The following TBC1D22A variants were observed in gnomAD, a reference collection of about 807,000 sequenced individuals.
TBC1D22A encodes the protein putative GTPase activator.
TBC1D22A carries 38 observed loss-of-function variants against 60.2 expected under a neutral mutation model. The ratio of observed to expected loss-of-function variants is 0.63; its 90% CI spans 0.49 to 0.83. The LOEUF is 0.83. Ranked by LOEUF, TBC1D22A falls within the 40% of genes least tolerant of loss-of-function variation. The pLI is 0.00. For synonymous variants in TBC1D22A, 302 were observed against 281.7 expected, an observed-to-expected ratio of 1.07 and a Z score of -0.72; for missense variants, 628 against 701.0, an observed-to-expected ratio of 0.90 and a Z score of 1.18.
intron 1 of TBC1D22A, chr22:46,768,117 C>T (rs2083348360): frequency 6.5e-6 from 1 of 152,790 alleles, no homozygotes; most frequent in Admixed American, 6.5e-5. Context: ...CCGCAGCGTC[C>T]AGTGGTCACT....
intron 4 of TBC1D22A, among the ~76,000 whole-genome samples, chr22:46,800,894 G>A (rs917470904): frequency 6.6e-6 from 1 of 152,228 alleles, no homozygotes; most frequent in African/African-American, 2.4e-5. Flanking sequence ...GCAGGTGGAG[G>A]AGAGACAGCT....
rs531133604 is a variant in TBC1D22A, at chr22:46,776,372, G to T, written c.62+13524G>T. Reference sequence around the variant, plus strand: ...GGCTGTATGGTGGGATGGTGTGCGTGGAAGCAGTGGGCATAGTTGTGGCTG... The same window carrying T: ...GGCTGTATGGTGGGATGGTGTGCGTTGAAGCAGTGGGCATAGTTGTGGCTG... On this transcript the variant is annotated intron_variant, in intron 1 of 12. Transcript: ENST00000337137. Among the ~76,000 whole-genome samples the T allele has an allele frequency of 3.7e-4, 55 of 146,670 alleles. 1 individual carries two copies. The South Asian group carries it at 0.012, about 32-fold the overall frequency.
intron 8 of TBC1D22A, chr22:46,913,774 A>G: frequency 1.0e-6 from 1 of 985,288 alleles, no homozygotes. Flanking sequence ...AATGTGGTAA[A>G]TAAGTTTGTT....
intron 8 of TBC1D22A, among the ~76,000 whole-genome samples, chr22:46,920,609 C>A (rs561955773): frequency 6.6e-6 from 1 of 152,044 alleles, no homozygotes; most frequent in Non-Finnish European, 1.5e-5. Context: ...GTGTCGCATG[C>A]GTGTGTCATG....
rs370840127 is a variant in TBC1D22A at position 47,037,226 on chromosome 22, T to C, written c.1329+28T>C. 409 of 1,610,116 alleles carry C rather than the reference T, an allele frequency of 2.5e-4. 1 individual carries two copies. In the Middle Eastern group the frequency reaches 2.9e-3, roughly 11 times the overall value. ...GAGCTCTCCTTCGCACCCTCCGCCA[T>C]GGGGGTGCCAGGAGCCCGGGCCGTT... On this transcript the variant is annotated intron_variant, in intron 11 of 12. Coordinates refer to ENST00000337137, the MANE Select transcript of TBC1D22A (RefSeq NM_014346.5).
At chr22:46,907,142 G>GTA in intron 7 of TBC1D22A, among the ~76,000 whole-genome samples, 1 of 152,092 alleles carries the variant, frequency 6.6e-6, no homozygotes, top group Non-Finnish European at 1.5e-5. Context: ...CTTTGTGTGT[G>GTA]TGTGCGTGTG....
chr22:47,092,429 A>G (rs948806695), intron 11 of TBC1D22A, among the ~76,000 whole-genome samples: 3 of 152,166 alleles, frequency 2.0e-5, no homozygotes, highest in Admixed American at 6.5e-5. Context: ...CTGGGAGAGC[A>G]GGAATGAGTC....
intron 11 of TBC1D22A, among the ~76,000 whole-genome samples, chr22:47,075,539 T>C (rs1360371756): frequency 6.6e-6 from 1 of 152,068 alleles, no homozygotes; most frequent in Non-Finnish European, 1.5e-5. Flanking sequence ...GTGACCACTA[T>C]AAATGAGTAG....
rs992345354 is a variant in TBC1D22A, at chr22:46,920,360, C to T, written c.1015+8172C>T. Among the ~76,000 whole-genome samples, 7 of 151,704 alleles carry T rather than the reference C, an allele frequency of 4.6e-5. No individual in the cohort carries two copies. The South Asian group carries it at 8.3e-4, about 18-fold the overall frequency. On this transcript the variant is annotated intron_variant, in intron 8 of 12. Coordinates refer to ENST00000337137, the MANE Select transcript of TBC1D22A (RefSeq NM_014346.5). Reference sequence around the variant, plus strand: ...TCTCAAAGTGCTGGGATTACAGGCACGAGCCACTGTGCCTAGCTCAAAGCT... The same window carrying T: ...TCTCAAAGTGCTGGGATTACAGGCATGAGCCACTGTGCCTAGCTCAAAGCT...
At chr22:47,133,733 G>A (rs539259967) in intron 12 of TBC1D22A, among the ~76,000 whole-genome samples, 2 of 152,324 alleles carry the variant, frequency 1.3e-5, no homozygotes, top group African/African-American at 4.8e-5. Context: ...GAGCTTTGGC[G>A]GTGACACTTG....
intron 11 of TBC1D22A, among the ~76,000 whole-genome samples, chr22:47,102,168 G>A (rs1328217980): frequency 1.3e-5 from 2 of 152,194 alleles, no homozygotes; most frequent in Admixed American, 6.5e-5. Flanking sequence ...AGTCTCTGGC[G>A]CCTTCCTTTA....
At chr22:46,854,386 C>T (rs994767805) in intron 4 of TBC1D22A, among the ~76,000 whole-genome samples, 4 of 152,176 alleles carry the variant, frequency 2.6e-5, no homozygotes, top group Admixed American at 1.3e-4. Context: ...CTCCCCTTCC[C>T]GTTCCCTGCT....
At chr22:46,929,191 T>A (rs1347555942) in intron 8 of TBC1D22A, among the ~76,000 whole-genome samples, 2 of 152,166 alleles carry the variant, frequency 1.3e-5, no homozygotes, top group Non-Finnish European at 2.9e-5. Flanking sequence ...TCGACAAACA[T>A]TGTGTGGTTT....
At chr22:47,148,121 A>T (rs1422629925) in intron 12 of TBC1D22A, among the ~76,000 whole-genome samples, 1 of 152,164 alleles carries the variant, frequency 6.6e-6, no homozygotes, top group African/African-American at 2.4e-5. Flanking sequence ...AAAATGAAGC[A>T]TCTCAACAGA....
intron 8 of TBC1D22A, among the ~76,000 whole-genome samples, chr22:46,919,978 T>TTA (rs1249947597): frequency 2.0e-5 from 3 of 152,190 alleles, no homozygotes; most frequent in Admixed American, 6.5e-5. Flanking sequence ...TGGCAACTGT[T>TTA]TAACCCCCTT....
intron 12 of TBC1D22A, among the ~76,000 whole-genome samples, chr22:47,152,778 G>A (rs1308158161): frequency 2.6e-5 from 4 of 152,200 alleles, no homozygotes; most frequent in East Asian, 3.9e-4. Context: ...GAAAGCATCG[G>A]CCGTGGCGGC....
intron 4 of TBC1D22A, among the ~76,000 whole-genome samples, chr22:46,807,870 G>C (rs1401623417): frequency 3.3e-5 from 5 of 152,228 alleles, no homozygotes; most frequent in African/African-American, 1.2e-4. Context: ...GGGAGGCCTA[G>C]GTGGGAGGAT....
intron 7 of TBC1D22A, among the ~76,000 whole-genome samples, chr22:46,904,790 T>C (rs891676557): frequency 1.6e-4 from 23 of 142,450 alleles, no homozygotes; most frequent in Non-Finnish European, 2.9e-4. Flanking sequence ...TTTTTTTTTT[T>C]CTGAGACAGA....
intron 1 of TBC1D22A, among the ~76,000 whole-genome samples, chr22:46,789,691 A>G (rs10854858): frequency 0.021 from 3,157 of 152,328 alleles, 100 homozygotes; most frequent in African/African-American, 0.071. Flanking sequence ...AAAATGACCC[A>G]ATGTAATATT....
Sources: gnomAD v4.1 joint callset for allele counts (sites outside exome capture counted in the v4.1 genomes callset) on GRCh38, gnomAD v4.1.1 for gene constraint, MANE v1.5 for transcripts, NCBI Gene and HGNC (gene_info 2026-07-23, HGNC 2026-07-21) for gene names.